ANKRD44: variants seen among roughly 807,000 people sequenced by gnomAD.
ANKRD44 encodes serine/threonine-protein phosphatase 6 regulatory ankyrin repeat subunit B.
ANKRD44 carries 35 observed loss-of-function variants against 116.0 expected under a neutral mutation model. That is an observed-to-expected ratio of 0.30 (90% CI 0.23 to 0.40). The LOEUF is 0.40. Ranked by LOEUF, ANKRD44 falls within the 10% of genes least tolerant of loss-of-function variation. The probability of loss-of-function intolerance (pLI) is 1.00; values close to 1 mark genes in which losing one functional copy is unlikely to be tolerated. For synonymous variants in ANKRD44, 435 were observed against 461.8 expected, an observed-to-expected ratio of 0.94 and a Z score of 0.74; for missense variants, 1,014 against 1,242.6, an observed-to-expected ratio of 0.82 and a Z score of 2.77.
At chr2:197,098,875 T>A (rs1182519530) in intron 10 of ANKRD44, among the ~76,000 whole-genome samples, 2 of 152,128 alleles carry the variant, frequency 1.3e-5, no homozygotes, top group Non-Finnish European at 2.9e-5. Flanking sequence ...GCAGCTTGGA[T>A]TGGCATCAAG....
intron 1 of ANKRD44, among the ~76,000 whole-genome samples, chr2:197,197,602 G>A (rs113411472): frequency 0.074 from 11,182 of 152,072 alleles, 800 homozygotes; most frequent in African/African-American, 0.19. Flanking sequence ...CTTGAATCCA[G>A]GAGTTCCAGA....
At chr2:197,251,613 G>C (rs2082318924) in intron 1 of ANKRD44, among the ~76,000 whole-genome samples, 1 of 151,912 alleles carries the variant, frequency 6.6e-6, no homozygotes, top group Non-Finnish European at 1.5e-5. Context: ...TTTTTCTATA[G>C]GCATGCTTGC....
intron 1 of ANKRD44, among the ~76,000 whole-genome samples, chr2:197,300,064 G>T (rs527995438): frequency 5.3e-5 from 8 of 152,116 alleles, no homozygotes; most frequent in Admixed American, 2.0e-4. Flanking sequence ...AATACTTTTT[G>T]GAACAAAGTA....
At chr2:197,121,713 C>T (rs186536622) in intron 7 of ANKRD44, among the ~76,000 whole-genome samples, 169 bp from the exon 8 acceptor site, 17 of 152,206 alleles carry the variant, frequency 1.1e-4, no homozygotes, top group Admixed American at 1.1e-3. Context: ...TGCTTGTCAC[C>T]CCATGGTAAA....
intron 1 of ANKRD44, among the ~76,000 whole-genome samples, chr2:197,208,140 T>C (rs1235462218): frequency 6.6e-6 from 1 of 152,206 alleles, no homozygotes; most frequent in Non-Finnish European, 1.5e-5. Context: ...ATTTTAGACA[T>C]CTTCTAAGTA....
chr2:197,117,135 A>G (rs1468674551), intron 8 of ANKRD44, among the ~76,000 whole-genome samples: 1 of 152,160 alleles, frequency 6.6e-6, no homozygotes, highest in African/African-American at 2.4e-5. Flanking sequence ...CTAGGATTGG[A>G]ATTTAGGCGG....
At chr2:197,267,132 T>G (rs1002257628) in intron 1 of ANKRD44, among the ~76,000 whole-genome samples, 3 of 152,244 alleles carry the variant, frequency 2.0e-5, no homozygotes, top group African/African-American at 7.2e-5. Flanking sequence ...CTAGCTATTT[T>G]AGGTAGACAT....
At chr2:197,071,090 T>A (rs1438390696) in intron 16 of ANKRD44, among the ~76,000 whole-genome samples, 2 of 152,192 alleles carry the variant, frequency 1.3e-5, no homozygotes, top group Non-Finnish European at 2.9e-5. Flanking sequence ...CCTGATATTG[T>A]TAATTTATGT....
chr2:197,156,023 GAT>G (rs1204637489), intron 2 of ANKRD44, among the ~76,000 whole-genome samples: 1 of 152,204 alleles, frequency 6.6e-6, no homozygotes, highest in African/African-American at 2.4e-5. Context: ...TTTCACCAAA[GAT>G]ATACAGATAG....
chr2:197,102,473 C>G (rs1261090767), intron 9 of ANKRD44, among the ~76,000 whole-genome samples: 2 of 152,152 alleles, frequency 1.3e-5, no homozygotes, highest in African/African-American at 4.8e-5. Flanking sequence ...CCTTGTCAAG[C>G]TTTTGAATAT....
At chr2:197,112,672 C>A (rs2078612987) in intron 8 of ANKRD44, among the ~76,000 whole-genome samples, 1 of 142,524 alleles carries the variant, frequency 7.0e-6, no homozygotes, top group Non-Finnish European at 1.5e-5. Context: ...CGTGCCACTG[C>A]ACTCCAGCCT....
chr2:197,200,460 C>G (rs1290304201), intron 1 of ANKRD44, among the ~76,000 whole-genome samples: 1 of 151,982 alleles, frequency 6.6e-6, no homozygotes, highest in African/African-American at 2.4e-5. Context: ...TTCTAAACAC[C>G]CTCTTCTCAT....
intron 9 of ANKRD44, among the ~76,000 whole-genome samples, chr2:197,109,402 T>A (rs1414427084): frequency 6.6e-6 from 1 of 152,222 alleles, no homozygotes; most frequent in Non-Finnish European, 1.5e-5. Flanking sequence ...TTAATTTCTG[T>A]TTTACCTTCC....
At chr2:197,116,146 C>A (rs991414021) in intron 8 of ANKRD44, among the ~76,000 whole-genome samples, 9 of 152,288 alleles carry the variant, frequency 5.9e-5, no homozygotes, top group African/African-American at 1.7e-4. Context: ...CTTATCCAAT[C>A]TGAACTGACC....
In ANKRD44 at chr2:197,113,482, T is replaced by A. The variant is rs2078637522; in HGVS notation, c.907-2638A>T. ...CATAAGTAATTATTAATTAAATATA[T>A]CTAAAGCTATAAATACTTCAGCATT... On this transcript the variant is annotated intron_variant, in intron 8 of 27. Transcript: ENST00000282272. 2.6e-5 allele frequency among the ~76,000 whole-genome samples: 4 copies of A among 152,212 alleles called. No homozygotes were observed. The South Asian group carries it at 8.3e-4, about 31-fold the overall frequency.
chr2:197,113,618 G>C (rs964910154), intron 8 of ANKRD44, among the ~76,000 whole-genome samples: 33 of 152,240 alleles, frequency 2.2e-4, no homozygotes, highest in African/African-American at 7.7e-4. Context: ...CTAAGTTGCA[G>C]GCAGAGAGAC....
At chr2:197,100,516 T>C (rs902088449) in intron 9 of ANKRD44, among the ~76,000 whole-genome samples, 1 of 152,214 alleles carries the variant, frequency 6.6e-6, no homozygotes, top group African/African-American at 2.4e-5. Flanking sequence ...ATCCAAAATC[T>C]CACAACTAAA....
At chr2:197,284,503 A>AACACACACACACACAC (rs10547024) in intron 1 of ANKRD44, among the ~76,000 whole-genome samples, 138 of 137,864 alleles carry the variant, frequency 1.0e-3, no homozygotes, top group African/African-American at 3.5e-3. Context: ...CAGAGAGTCA[A>AACACACACACACACAC]ACACACACAC....
intron 25 of ANKRD44, among the ~76,000 whole-genome samples, chr2:196,997,962 A>C (rs959263487): frequency 6.6e-6 from 1 of 152,202 alleles, no homozygotes; most frequent in African/African-American, 2.4e-5. Flanking sequence ...AAAACAAGTA[A>C]AACTGCTTAT....
Sources: gnomAD v4.1 joint callset for allele counts (sites outside exome capture counted in the v4.1 genomes callset) on GRCh38, gnomAD v4.1.1 for gene constraint, MANE v1.5 for transcripts, NCBI Gene and HGNC (gene_info 2026-07-23, HGNC 2026-07-21) for gene names.